The following CLYBL variants were observed in gnomAD, a reference collection of about 807,000 sequenced individuals.
CLYBL encodes the protein citramalyl-CoA lyase, mitochondrial.
CLYBL carries 31 observed loss-of-function variants against 38.9 expected under a neutral mutation model. The observed-to-expected ratio is 0.80, with a 90% CI of 0.60 to 1.08. The LOEUF (loss-of-function observed/expected upper bound fraction) is 1.08. Ranked by LOEUF, CLYBL falls within the 50% of genes least tolerant of loss-of-function variation. The pLI is 0.00. For synonymous variants in CLYBL, 171 were observed against 158.6 expected (o/e 1.08, Z -0.59); for missense variants, 434 against 411.6 (o/e 1.05, Z -0.47).
chr13:99,689,502 T>C (rs1413253728), intron 1 of CLYBL, among the ~76,000 whole-genome samples: 2 of 152,218 alleles, frequency 1.3e-5, no homozygotes, highest in African/African-American at 4.8e-5. Context: ...GTAAAAATTA[T>C]TACCATTTTA....
intron 2 of CLYBL, among the ~76,000 whole-genome samples, chr13:99,787,000 GTCT>G (rs1361032755): frequency 5.3e-5 from 8 of 152,158 alleles, no homozygotes; most frequent in African/African-American, 1.9e-4. Context: ...CTGCATAAAT[GTCT>G]TCTTTTGAGA....
intron 1 of CLYBL, chr13:99,727,369 G>C (rs1458866963): frequency 6.6e-6 from 1 of 151,912 alleles, no homozygotes; most frequent in Non-Finnish European, 1.5e-5. Flanking sequence ...ACTGAATCAA[G>C]CCTGCCTCCA....
chr13:99,670,021 C>A (rs564081456), intron 1 of CLYBL, among the ~76,000 whole-genome samples: 3 of 122,446 alleles, frequency 2.5e-5, no homozygotes, highest in Non-Finnish European at 5.2e-5. Flanking sequence ...AGTGAAACCC[C>A]GTCTCTATTA....
intron 2 of CLYBL, among the ~76,000 whole-genome samples, chr13:99,858,230 C>T (rs1016943333): frequency 1.3e-5 from 2 of 152,208 alleles, no homozygotes; most frequent in African/African-American, 4.8e-5. Context: ...TTGTCAAGCA[C>T]TTCATGAAGG....
At chr13:99,672,770 A>C (rs2047586135) in intron 1 of CLYBL, among the ~76,000 whole-genome samples, 1 of 152,134 alleles carries the variant, frequency 6.6e-6, no homozygotes, top group African/African-American at 2.4e-5. Flanking sequence ...ACCCTGTCTC[A>C]AAAAATATAT....
intron 7 of CLYBL, among the ~76,000 whole-genome samples, chr13:99,883,170 C>T (rs1009646738): frequency 6.6e-5 from 10 of 152,254 alleles, no homozygotes; most frequent in African/African-American, 1.9e-4. Flanking sequence ...AGTCCAGCTT[C>T]GTCTAATAGA....
chr13:99,720,825 T>G (rs1406795641), intron 1 of CLYBL, among the ~76,000 whole-genome samples: 1 of 152,222 alleles, frequency 6.6e-6, no homozygotes, highest in African/African-American at 2.4e-5. Context: ...TGTGATTGTT[T>G]ATCTGGCTCC....
At chr13:99,819,998 C>T (rs992322319) in intron 2 of CLYBL, among the ~76,000 whole-genome samples, 3 of 152,172 alleles carry the variant, frequency 2.0e-5, no homozygotes, top group African/African-American at 7.2e-5. Context: ...TAAAGTTGGA[C>T]ATTTGCACTC....
At chr13:99,805,487 G>C (rs1461052486) in intron 2 of CLYBL, among the ~76,000 whole-genome samples, 1 of 151,930 alleles carries the variant, frequency 6.6e-6, no homozygotes, top group Non-Finnish European at 1.5e-5. Flanking sequence ...CAACACTCTC[G>C]GTGAGAAAGG....
At chr13:99,859,798 G>A (rs922001030) in intron 3 of CLYBL, among the ~76,000 whole-genome samples, 1 of 152,126 alleles carries the variant, frequency 6.6e-6, no homozygotes, top group African/African-American at 2.4e-5. Flanking sequence ...TTTGAGGGTC[G>A]CTATTATTCT....
At chr13:99,664,148 T>C (rs1165850798) in intron 1 of CLYBL, among the ~76,000 whole-genome samples, 1 of 152,226 alleles carries the variant, frequency 6.6e-6, no homozygotes, top group Non-Finnish European at 1.5e-5. Flanking sequence ...TCAGTGGTCA[T>C]AGATGTGGAG....
chr13:99,796,465 C>G (rs1423982711), intron 2 of CLYBL, among the ~76,000 whole-genome samples: 1 of 152,164 alleles, frequency 6.6e-6, no homozygotes, highest in African/African-American at 2.4e-5. Context: ...TTCCTGTGTG[C>G]TAGCACTATT....
At chr13:99,729,944 C>CA (rs1566304510) in intron 1 of CLYBL, among the ~76,000 whole-genome samples, 3 of 152,156 alleles carry the variant, frequency 2.0e-5, no homozygotes, top group African/African-American at 7.2e-5. Context: ...CTGCCACCGT[C>CA]GGTCCCTCAT....
chr13:99,616,014 A>G (rs9796290), intron 1 of CLYBL, among the ~76,000 whole-genome samples: 6 of 150,634 alleles, frequency 4.0e-5, no homozygotes, highest in Non-Finnish European at 7.4e-5. Context: ...TTTTATTTTT[A>G]TTTTTTATTT....
rs571200112 is a variant in CLYBL at position 99,836,699 on chromosome 13, AC to A, written c.250-22161del. ...TATATATTGCTTTTATAGTCAGAAA[AC>A]AATGCCACTTAAATCATTAAATTCT... On this transcript the variant is annotated intron_variant, in intron 2 of 8. Transcript: ENST00000339105. Among the ~76,000 whole-genome samples, 26 of 152,334 alleles carry A rather than the reference AC, an allele frequency of 1.7e-4. No individual in the cohort carries two copies. The South Asian group carries it at 5.4e-3, about 32-fold the overall frequency.
At chr13:99,701,638 C>T (rs1296193030) in intron 1 of CLYBL, among the ~76,000 whole-genome samples, 1 of 151,822 alleles carries the variant, frequency 6.6e-6, no homozygotes, top group Non-Finnish European at 1.5e-5. Flanking sequence ...TCCCATTTAA[C>T]AAAGGCTTGA....
At chr13:99,637,674 C>T (rs2047038463) in intron 1 of CLYBL, among the ~76,000 whole-genome samples, 1 of 152,176 alleles carries the variant, frequency 6.6e-6, no homozygotes, top group Admixed American at 6.5e-5. Context: ...AGGAGAATTG[C>T]TTGAACCCAG....
At chr13:99,898,956 G>A (rs1415665572), downstream of CLYBL, among the ~76,000 whole-genome samples, 7 of 152,184 alleles carry the variant, frequency 4.6e-5, no homozygotes, top group African/African-American at 1.7e-4. Flanking sequence ...GCATGAGCTT[G>A]TGGAAAATGT....
intron 1 of CLYBL, among the ~76,000 whole-genome samples, chr13:99,730,074 C>T (rs1450064058): frequency 6.6e-6 from 1 of 151,362 alleles, no homozygotes; most frequent in Non-Finnish European, 1.5e-5. Flanking sequence ...CCCACGTCAG[C>T]GTGGCCAGTG....
Sources: gnomAD v4.1 joint callset for allele counts (sites outside exome capture counted in the v4.1 genomes callset) on GRCh38, gnomAD v4.1.1 for gene constraint, MANE v1.5 for transcripts, NCBI Gene and HGNC (gene_info 2026-07-23, HGNC 2026-07-21) for gene names.